The following LRRC31 variants were observed in gnomAD, a reference collection of about 807,000 sequenced individuals.
LRRC31 encodes the protein leucine-rich repeat-containing protein 31.
LRRC31 carries 35 observed loss-of-function variants against 46.7 expected under a neutral mutation model. The ratio of observed to expected loss-of-function variants is 0.75; its 90% CI spans 0.57 to 0.99. The LOEUF (loss-of-function observed/expected upper bound fraction) is 0.99, where lower values mean the gene tolerates loss of function less well. Among genes scored for constraint, LRRC31 ranks in the 50% least tolerant of loss-of-function variants. The pLI is 0.00. For synonymous variants in LRRC31, 236 were observed against 235.1 expected (o/e 1.00, Z -0.03); for missense variants, 613 against 626.1 (o/e 0.98, Z 0.22).
At chr3:169,860,888 T>C (rs775685249) in intron 2 of LRRC31, among the ~76,000 whole-genome samples, 160 bp from the exon 3 acceptor site, 2 of 152,186 alleles carry the variant, frequency 1.3e-5, no homozygotes, top group Non-Finnish European at 2.9e-5. Context: ...CCCTCAGCTG[T>C]ACAAGTGGAG....
In LRRC31 at chr3:169,848,253, T is replaced by C; in HGVS notation, c.1194A>G (p.Val398=). ...CACACTTGTTCCAAGAAAGGTTGAA[T>C]ACTTCCAGAGCAGAGAGGTGAACAG... ...EASVHLSALE[V]FNLSWNKCVG... The change falls in exon 8 of 9, where the codon GTA becomes GTG. Residue 398 remains valine, a synonymous_variant. Transcript: ENST00000316428. The C allele has an allele frequency of 6.2e-7, 1 of 1,614,198 alleles. No individual in the cohort carries two copies. Among genetic ancestry groups the C allele is most frequent in the Non-Finnish European group, 8.5e-7 (1 of 1,180,020 alleles).
At chr3:169,844,019 C>T (rs1780526516) in intron 8 of LRRC31, among the ~76,000 whole-genome samples, 1 of 152,136 alleles carries the variant, frequency 6.6e-6, no homozygotes, top group South Asian at 2.1e-4. Flanking sequence ...GTGGTGAATT[C>T]TGTGAAACAG....
intron 8 of LRRC31, among the ~76,000 whole-genome samples, chr3:169,846,963 C>T (rs990605546): frequency 2.6e-5 from 4 of 152,070 alleles, no homozygotes; most frequent in Admixed American, 6.6e-5. Context: ...GCCCATGTGC[C>T]GTGTCATAGC....
At position 169,851,738 on chromosome 3, in the gene LRRC31, G is replaced by A; in HGVS notation, c.1040C>T (p.Ala347Val). 1 of 1,614,120 alleles carries A rather than the reference G, an allele frequency of 6.2e-7. No homozygotes were observed. The highest frequency in any genetic ancestry group is 2.2e-5 in the East Asian group (1 of 44,888). ...AGAAGAACTGCCCATCTTTTTGTTG[G>A]CTGATAAATCCAATTCTTGAAGATT... is the stretch of plus-strand genomic sequence containing the variant. Reference protein sequence around the residue: ...LSNLQELDLSANKKMGSSSEN... With the variant: ...LSNLQELDLSVNKKMGSSSEN... Residue 347 changes from alanine to valine, a missense_variant, in exon 7 of 9, where the codon GCC (alanine) becomes GTC (valine). Ala to Val is a moderately conservative substitution (Grantham distance 64). Transcript: ENST00000316428.
intron 1 of LRRC31, among the ~76,000 whole-genome samples, chr3:169,869,129 G>A (rs1258146024): frequency 6.6e-6 from 1 of 151,188 alleles, no homozygotes; most frequent in Non-Finnish European, 1.5e-5. Flanking sequence ...CCAGCAGTTT[G>A]GGAGGCCAAG....
chr3:169,848,079 C>A, intron 8 of LRRC31, 41 bp downstream of exon 8: 1 of 1,589,038 alleles, frequency 6.3e-7, no homozygotes, highest in Non-Finnish European at 8.6e-7. Flanking sequence ...GCACCCACTG[C>A]TCTGTTTGCC....
At chr3:169,860,239 T>G (rs1347964029) in intron 3 of LRRC31, among the ~76,000 whole-genome samples, 1 of 151,906 alleles carries the variant, frequency 6.6e-6, no homozygotes, top group East Asian at 1.9e-4. Context: ...TTCTTTTTTT[T>G]TGTTTGGAGA....
intron 4 of LRRC31, 46 bp from the exon 5 acceptor site, chr3:169,856,549 T>A: frequency 1.3e-6 from 2 of 1,508,446 alleles, no homozygotes; most frequent in Non-Finnish European, 8.9e-7. Flanking sequence ...AGGAGGGGAG[T>A]GGAGTTTTAC....
chr3:169,841,641 G>C (rs1780451677), intron 8 of LRRC31, among the ~76,000 whole-genome samples: 1 of 152,222 alleles, frequency 6.6e-6, no homozygotes, highest in African/African-American at 2.4e-5. Flanking sequence ...AAAAAGTAGA[G>C]AGAATAGGAG....
intron 8 of LRRC31, 89 bp from the exon 9 acceptor site, chr3:169,840,402 T>C (rs1780412488): frequency 7.6e-7 from 1 of 1,315,442 alleles, no homozygotes; most frequent in Non-Finnish European, 1.1e-6. Flanking sequence ...TCTCCAGGAA[T>C]AGTAATGACA....
At chr3:169,862,865 G>A (rs770483920) in intron 1 of LRRC31, among the ~76,000 whole-genome samples, 5 of 151,908 alleles carry the variant, frequency 3.3e-5, no homozygotes, top group Admixed American at 2.6e-4. Flanking sequence ...GCAGGTGCCA[G>A]CATTTCTTTT....
At chr3:169,861,445 G>A (rs1426529855) in intron 2 of LRRC31, among the ~76,000 whole-genome samples, 2 of 151,552 alleles carry the variant, frequency 1.3e-5, no homozygotes, top group East Asian at 1.9e-4. Context: ...GCGTGAACCC[G>A]GGAGGCGGAG....
rs144038208 is a variant in LRRC31 at position 169,857,415 on chromosome 3, C to CATATATACATATATATATATATATAT, written c.488-544_488-543insATATATATATATATATATGTATATAT. On this transcript the variant is annotated intron_variant, in intron 3 of 8. Transcript: ENST00000316428. ...ATACATACACACACATATACATATA[C>CATATATACATATATATATATATATAT]ATATATATATATATGAGGAATATCA... 5.3e-3 allele frequency among the ~76,000 whole-genome samples: 521 copies of CATATATACATATATATATATATATAT among 98,542 alleles called. 13 individuals are homozygous for CATATATACATATATATATATATATAT. The highest frequency in any genetic ancestry group is 0.012 in the African/African-American group (330 of 27,542). The allele number at this position is 98,542 out of a possible 152,430, so 64.6% of individuals were successfully genotyped here. A position where few individuals can be genotyped will look rare whatever the true frequency, so the allele number is the denominator to read the frequency against.
chr3:169,854,277 T>C lies in LRRC31; in HGVS notation c.991+536A>G, dbSNP rs186611370. 2.4e-4 allele frequency among the ~76,000 whole-genome samples: 37 copies of C among 152,364 alleles called. 1 individual carries two copies. In the East Asian group the frequency reaches 6.5e-3, roughly 27 times the overall value. ...AAAACCCTTAATCTCAAGGCTACGC[T>C]TGCTCTGTTATGGGAAATTGCATTT... On this transcript the variant is annotated intron_variant, in intron 6 of 8. Coordinates refer to ENST00000316428, the MANE Select transcript of LRRC31 (RefSeq NM_024727.4).
chr3:169,863,200 AC>A lies in LRRC31; in HGVS notation c.176-1388del, dbSNP rs1040262373. 7.9e-5 allele frequency among the ~76,000 whole-genome samples: 12 copies of A among 152,272 alleles called. No individual in the cohort carries two copies. In the East Asian group the frequency reaches 2.3e-3, roughly 29 times the overall value. On this transcript the variant is annotated intron_variant, in intron 1 of 8. Transcript: ENST00000316428. ...GGCAGGCCAGGTGCCAGCATTTAAG[AC>A]ATACATAAAACACATCATACTTTTC...
intron 1 of LRRC31, among the ~76,000 whole-genome samples, chr3:169,866,338 G>A (rs958108966): frequency 6.6e-6 from 1 of 152,198 alleles, no homozygotes; most frequent in Non-Finnish European, 1.5e-5. Context: ...AGGAGCCATA[G>A]AATTTTGGGA....
intron 7 of LRRC31, among the ~76,000 whole-genome samples, chr3:169,850,777 A>G (rs115475603): frequency 0.018 from 2,684 of 152,254 alleles, 35 homozygotes; most frequent in South Asian, 0.04. Context: ...GATATGCTCA[A>G]TAAATGTCAG....
intron 6 of LRRC31, 78 bp from the exon 7 acceptor site, chr3:169,851,864 T>C: frequency 7.0e-7 from 1 of 1,433,146 alleles, no homozygotes; most frequent in Non-Finnish European, 9.7e-7. Context: ...TCCCACAATC[T>C]GTTTAATCTG....
intron 6 of LRRC31, among the ~76,000 whole-genome samples, chr3:169,852,259 C>T (rs961248527): frequency 4.0e-5 from 6 of 150,682 alleles, no homozygotes; most frequent in Admixed American, 2.0e-4. Flanking sequence ...AAAAATTAGC[C>T]GGGCGCAGTG....
Sources: allele counts gnomAD v4.1 joint callset (sites outside exome capture counted in the v4.1 genomes callset), GRCh38; gene constraint gnomAD v4.1.1; transcripts MANE v1.5; gene names NCBI Gene and HGNC (gene_info 2026-07-23, HGNC 2026-07-21).